The following MTUS2 variants were observed in gnomAD, a reference collection of about 807,000 sequenced individuals.
MTUS2 encodes the protein microtubule-associated tumor suppressor candidate 2.
In MTUS2, 40 loss-of-function variants were observed where a neutral mutation model predicts 114.1. That is an observed-to-expected ratio of 0.35 (90% CI 0.27 to 0.46). The LOEUF (loss-of-function observed/expected upper bound fraction) is 0.46, where lower values mean the gene tolerates loss of function less well. Among genes scored for constraint, MTUS2 ranks in the 20% least tolerant of loss-of-function variants. MTUS2 has a pLI of 1.00. For synonymous variants in MTUS2, 688 were observed against 672.0 expected, an observed-to-expected ratio of 1.02 and a Z score of -0.37; for missense variants, 1,679 against 1,705.4, an observed-to-expected ratio of 0.98 and a Z score of 0.27.
At chr13:29,260,625 C>T (rs942543825) in intron 5 of MTUS2, among the ~76,000 whole-genome samples, 3 of 152,210 alleles carry the variant, frequency 2.0e-5, no homozygotes, top group Admixed American at 6.5e-5. Flanking sequence ...AGAATTAACA[C>T]TGAACAACAA....
rs1881077651 is a variant in MTUS2 at position 29,480,445 on chromosome 13, G to A, written c.3399+81G>A. 8 of 1,396,260 alleles carry A rather than the reference G, an allele frequency of 5.7e-6. No individual in the cohort carries two copies. In the South Asian group the frequency reaches 1.2e-4, roughly 21 times the overall value. The allele number at this position is 1,396,260 out of a possible 1,614,324, so 86.5% of individuals were successfully genotyped here. On this transcript the variant is annotated intron_variant, in intron 10 of 15. Transcript: ENST00000612955. This position sits in a 1 kb window ranked among gnomAD's most constrained non-coding sequence, Gnocchi z 4.4. ...CGGGGATCCAGTGCCACATTAGCAAGAAGTCCTATTCAGTAGGTGAGCTTT... is the reference window on the plus strand; with the variant it reads ...CGGGGATCCAGTGCCACATTAGCAAAAAGTCCTATTCAGTAGGTGAGCTTT...
chr13:29,109,081 TTTTA>T (rs367740327), intron 5 of MTUS2, among the ~76,000 whole-genome samples: 34 of 152,350 alleles, frequency 2.2e-4, no homozygotes, highest in African/African-American at 7.2e-4. Context: ...CTGTATTAGT[TTTTA>T]TTTATTTTTT....
At chr13:28,907,712 A>G (rs1282406346) in intron 2 of MTUS2, among the ~76,000 whole-genome samples, 1 of 151,646 alleles carries the variant, frequency 6.6e-6, no homozygotes, top group Non-Finnish European at 1.5e-5. Flanking sequence ...ACTATCCTAA[A>G]TATATATGCA....
At chr13:29,169,097 CCA>C (rs1170326952) in intron 5 of MTUS2, among the ~76,000 whole-genome samples, 5 of 152,058 alleles carry the variant, frequency 3.3e-5, no homozygotes, top group Non-Finnish European at 7.4e-5. Context: ...TTTCTGTGTC[CCA>C]GGCTTGCTGG....
chr13:29,087,697 C>A (rs1176473854), intron 4 of MTUS2, among the ~76,000 whole-genome samples: 1 of 152,116 alleles, frequency 6.6e-6, no homozygotes, highest in African/African-American at 2.4e-5. Flanking sequence ...GGAGTCCTTC[C>A]ATGATTTTTG....
intron 5 of MTUS2, among the ~76,000 whole-genome samples, chr13:29,280,849 G>A (rs1172834527): frequency 1.3e-5 from 2 of 152,180 alleles, no homozygotes; most frequent in African/African-American, 4.8e-5. Context: ...AGATAGTGAT[G>A]TCATTGTCTT....
At chr13:29,398,685 C>T (rs1874098935) in intron 8 of MTUS2, among the ~76,000 whole-genome samples, 1 of 152,006 alleles carries the variant, frequency 6.6e-6, no homozygotes, top group African/African-American at 2.4e-5. Flanking sequence ...AATGGATTCT[C>T]AAACCAGACC....
intron 5 of MTUS2, among the ~76,000 whole-genome samples, chr13:29,201,266 C>A (rs1464754882): frequency 4.6e-5 from 7 of 151,754 alleles, no homozygotes; most frequent in Non-Finnish European, 8.8e-5. Context: ...CTATGTAATG[C>A]CCTTCTTTGC....
At chr13:28,987,266 G>C (rs905322861) in intron 2 of MTUS2, among the ~76,000 whole-genome samples, 1 of 152,184 alleles carries the variant, frequency 6.6e-6, no homozygotes, top group East Asian at 1.9e-4. Context: ...ATGGAGAAGA[G>C]TGGAGACACA....
intron 4 of MTUS2, among the ~76,000 whole-genome samples, chr13:29,075,549 G>A (rs1034232523): frequency 6.6e-6 from 1 of 152,120 alleles, no homozygotes; most frequent in African/African-American, 2.4e-5. Flanking sequence ...TTGTGAGTCT[G>A]CTATGAATAT....
chr13:29,360,463 G>C lies in MTUS2; in HGVS notation c.3117+990G>C, dbSNP rs373616847. 2.6e-5 allele frequency among the ~76,000 whole-genome samples: 4 copies of C among 152,130 alleles called. No individual in the cohort carries two copies. The South Asian group carries it at 6.2e-4, about 24-fold the overall frequency. ...TTTTTTGTTGTTATTATTTTTGTTT[G>C]TTTAAAGCTTTCAACAGAAAGAGCC... On this transcript the variant is annotated intron_variant, in intron 8 of 15. Coordinates refer to ENST00000612955, the MANE Select transcript of MTUS2 (RefSeq NM_001033602.4).
At chr13:29,450,558 A>G (rs1232054735) in intron 9 of MTUS2, among the ~76,000 whole-genome samples, 1 of 152,166 alleles carries the variant, frequency 6.6e-6, no homozygotes, top group Admixed American at 6.5e-5. Flanking sequence ...AAAATAACGA[A>G]CCTTGGGATC....
intron 8 of MTUS2, among the ~76,000 whole-genome samples, chr13:29,423,950 G>A (rs567325560): frequency 1.3e-4 from 19 of 151,002 alleles, no homozygotes; most frequent in East Asian, 1.2e-3. Flanking sequence ...CGGCAACCTC[G>A]GCCTCCAGGG....
chr13:29,437,197 T>C (rs1877478519), intron 8 of MTUS2, among the ~76,000 whole-genome samples: 1 of 152,198 alleles, frequency 6.6e-6, no homozygotes, highest in Non-Finnish European at 1.5e-5. Context: ...TTTGTTGTTT[T>C]TGTTATTTTC....
At chr13:29,432,920 A>G (rs1396216950) in intron 8 of MTUS2, among the ~76,000 whole-genome samples, 3 of 152,200 alleles carry the variant, frequency 2.0e-5, no homozygotes, top group African/African-American at 4.8e-5. Flanking sequence ...AGGTATGTGT[A>G]TGTGCTCTGA....
At chr13:28,934,935 C>T (rs1881810789) in intron 2 of MTUS2, among the ~76,000 whole-genome samples, 1 of 151,832 alleles carries the variant, frequency 6.6e-6, no homozygotes, top group African/African-American at 2.4e-5. Flanking sequence ...ATTTCCAGCA[C>T]CCCAGCAGCT....
intron 2 of MTUS2, among the ~76,000 whole-genome samples, chr13:29,017,094 C>T (rs763695665): frequency 9.9e-5 from 15 of 152,186 alleles, no homozygotes; most frequent in Non-Finnish European, 1.8e-4. Context: ...AATACATTGA[C>T]TTGTACATAA....
chr13:29,080,814 C>T (rs778339976), intron 4 of MTUS2, among the ~76,000 whole-genome samples: 3 of 152,172 alleles, frequency 2.0e-5, no homozygotes, highest in Non-Finnish European at 4.4e-5. Context: ...CAACCTCTGC[C>T]TCCTGGGTTC....
At chr13:28,909,474 T>C (rs1199595368) in intron 2 of MTUS2, among the ~76,000 whole-genome samples, 4 of 152,188 alleles carry the variant, frequency 2.6e-5, no homozygotes, top group African/African-American at 4.8e-5. Flanking sequence ...AGTTCACTCA[T>C]GATTTGGCTC....
Sources: allele counts gnomAD v4.1 joint callset (sites outside exome capture counted in the v4.1 genomes callset), GRCh38; gene constraint gnomAD v4.1.1; non-coding constraint Gnocchi (gnomAD v3.1); transcripts MANE v1.5; gene names NCBI Gene and HGNC (gene_info 2026-07-23, HGNC 2026-07-21).